PDE3B: variants seen among roughly 807,000 people sequenced by gnomAD.
The protein encoded by PDE3B is cGMP-inhibited 3',5'-cyclic phosphodiesterase 3B.
PDE3B carries 66 observed loss-of-function variants against 116.8 expected under a neutral mutation model. The ratio of observed to expected loss-of-function variants is 0.56; its 90% CI spans 0.46 to 0.69. PDE3B has a LOEUF of 0.69. PDE3B is among the 30% of genes least tolerant of loss of function. PDE3B has a pLI of 0.00. For synonymous variants in PDE3B, 595 were observed against 533.6 expected, an observed-to-expected ratio of 1.12 and a Z score of -1.59; for missense variants, 1,384 against 1,368.1, an observed-to-expected ratio of 1.01 and a Z score of -0.18.
chr11:14,662,032 G>A (rs900264521), intron 1 of PDE3B, among the ~76,000 whole-genome samples: 5 of 152,158 alleles, frequency 3.3e-5, no homozygotes, highest in Non-Finnish European at 5.9e-5. Flanking sequence ...CCTGACCCCC[G>A]AGCAGCCTAA....
chr11:14,718,494 A>G (rs926724410), intron 1 of PDE3B, among the ~76,000 whole-genome samples: 1 of 148,850 alleles, frequency 6.7e-6, no homozygotes, highest in South Asian at 2.2e-4. Flanking sequence ...CACCACACCT[A>G]TTCCAAAATT....
intron 11 of PDE3B, among the ~76,000 whole-genome samples, chr11:14,840,015 G>A (rs72869784): frequency 0.011 from 1,671 of 152,218 alleles, 12 homozygotes; most frequent in Non-Finnish European, 0.018. Context: ...GATTCTGAAG[G>A]CAAATTCATG....
chr11:14,778,202 G>C (rs1383665369), intron 2 of PDE3B, among the ~76,000 whole-genome samples: 1 of 152,204 alleles, frequency 6.6e-6, no homozygotes, highest in African/African-American at 2.4e-5. Context: ...CACAGCTCAA[G>C]GAGTCCTGCC....
chr11:14,804,454 A>G (rs1858860233), intron 5 of PDE3B, among the ~76,000 whole-genome samples: 3 of 152,084 alleles, frequency 2.0e-5, no homozygotes, highest in Admixed American at 1.3e-4. Flanking sequence ...ACATTATGAT[A>G]GGAATTTTTT....
At chr11:14,878,151 G>C in the PDE3B span, 2 of 1,613,176 alleles carry the variant, frequency 1.2e-6, no homozygotes, top group Admixed American at 3.3e-5. Flanking sequence ...ATGAGGTAGG[G>C]TTGGGGCTGC....
At chr11:14,893,653 T>C in the PDE3B span, among the ~76,000 whole-genome samples, 17 of 152,338 alleles carry the variant, frequency 1.1e-4, no homozygotes, top group East Asian at 3.1e-3. Flanking sequence ...AGGCCATTAA[T>C]GTCAGTTTGA....
At chr11:14,726,506 C>A (rs10741654) in intron 1 of PDE3B, among the ~76,000 whole-genome samples, 97,191 of 151,900 alleles carry the variant, frequency 0.64, 31,211 homozygotes, top group Middle Eastern at 0.7. Context: ...TGGTCATTTA[C>A]ACTGTAGGAC....
At chr11:14,777,319 T>C (rs1054169083) in intron 2 of PDE3B, among the ~76,000 whole-genome samples, 2 of 152,206 alleles carry the variant, frequency 1.3e-5, no homozygotes, top group African/African-American at 4.8e-5. Context: ...GGGGGTGGCA[T>C]TGAAAGAGTA....
intron 1 of PDE3B, among the ~76,000 whole-genome samples, chr11:14,701,802 T>A (rs1329436479): frequency 6.6e-6 from 1 of 151,426 alleles, no homozygotes; most frequent in Admixed American, 6.6e-5. Flanking sequence ...TTTTTTTTTT[T>A]AAAGCATCCA....
chr11:14,898,593 G>A, the PDE3B span, among the ~76,000 whole-genome samples: 12 of 152,126 alleles, frequency 7.9e-5, no homozygotes, highest in East Asian at 5.8e-4. Context: ...TTTTACATAC[G>A]GATGTGGAAG....
At chr11:14,714,813 C>T (rs1201354995) in intron 1 of PDE3B, among the ~76,000 whole-genome samples, 1 of 152,038 alleles carries the variant, frequency 6.6e-6, no homozygotes, top group Non-Finnish European at 1.5e-5. Context: ...TAAATTGTAA[C>T]ATATAGCTAG....
At chr11:14,887,870 G>C in the PDE3B span, 1 of 152,676 alleles carries the variant, frequency 6.5e-6, no homozygotes, top group Non-Finnish European at 1.5e-5. Flanking sequence ...ATTATAACCT[G>C]CAGGTGACCG....
chr11:14,688,113 T>TCTTTCTC (rs1854931993), intron 1 of PDE3B, among the ~76,000 whole-genome samples: 3 of 109,880 alleles, frequency 2.7e-5, no homozygotes, highest in African/African-American at 1.1e-4. Context: ...CTCTCTCTCT[T>TCTTTCTC]TCTCTCTCTC....
intron 1 of PDE3B, among the ~76,000 whole-genome samples, chr11:14,762,029 G>C (rs1857372915): frequency 6.6e-6 from 1 of 152,090 alleles, no homozygotes; most frequent in Non-Finnish European, 1.5e-5. Flanking sequence ...CAAGTCAGCT[G>C]GGTGTGGTGG....
chr11:14,728,917 T>A (rs1477425000), intron 1 of PDE3B, among the ~76,000 whole-genome samples: 1 of 152,168 alleles, frequency 6.6e-6, no homozygotes, highest in Non-Finnish European at 1.5e-5. Flanking sequence ...TTTTTAAGTG[T>A]ATGTAGTCAT....
At chr11:14,759,428 C>G (rs1432991214) in intron 1 of PDE3B, among the ~76,000 whole-genome samples, 1 of 152,062 alleles carries the variant, frequency 6.6e-6, no homozygotes, top group African/African-American at 2.4e-5. Context: ...CACCACATTC[C>G]TTTTTACACT....
rs781912484 is a variant in PDE3B at position 14,871,245 on chromosome 11, C to T, written c.*1585C>T. 1 of 152,126 alleles carries T rather than the reference C, an allele frequency of 6.6e-6. No homozygotes were observed. Among genetic ancestry groups the T allele is most frequent in the Non-Finnish European group, 1.5e-5 (1 of 68,008 alleles). The allele number at this position is 152,126 out of a possible 1,614,324, so 9.4% of individuals were successfully genotyped here. A position where few individuals can be genotyped will look rare whatever the true frequency, so the allele number is the denominator to read the frequency against. On this transcript the variant is annotated 3_prime_UTR_variant, in exon 16 of 16. Coordinates refer to ENST00000282096, the MANE Select transcript of PDE3B (RefSeq NM_000922.4). ...TGTCAATATTTAATGAATCACTAAGCTTTATTTATTAGACGTGTTGAGTGA... is the reference window on the plus strand; with the variant it reads ...TGTCAATATTTAATGAATCACTAAGTTTTATTTATTAGACGTGTTGAGTGA...
intron 7 of PDE3B, among the ~76,000 whole-genome samples, chr11:14,828,775 A>G (rs1035490497): frequency 2.6e-5 from 4 of 152,240 alleles, no homozygotes; most frequent in Admixed American, 6.5e-5. Flanking sequence ...ACCTAAAAAT[A>G]GAAATACCAT....
At chr11:14,668,561 A>T (rs963663346) in intron 1 of PDE3B, among the ~76,000 whole-genome samples, 1 of 152,158 alleles carries the variant, frequency 6.6e-6, no homozygotes, top group African/African-American at 2.4e-5. Context: ...AATTTTAAGC[A>T]TGAAGCAAAG....
Sources: gnomAD v4.1 joint callset for allele counts (sites outside exome capture counted in the v4.1 genomes callset) on GRCh38, gnomAD v4.1.1 for gene constraint, MANE v1.5 for transcripts, NCBI Gene and HGNC (gene_info 2026-07-23, HGNC 2026-07-21) for gene names.